CELF6: variants seen among roughly 807,000 people sequenced by gnomAD.
The protein encoded by CELF6 is Bruno -like 6, RNA binding protein.
Under a neutral mutation model 53.1 loss-of-function variants are expected in CELF6, and 32 were observed. The observed-to-expected ratio is 0.60, with a 90% CI of 0.46 to 0.81. The LOEUF (loss-of-function observed/expected upper bound fraction) is 0.81, where lower values mean the gene tolerates loss of function less well. CELF6 is among the 30% of genes least tolerant of loss of function. CELF6 has a pLI of 0.00. For synonymous variants in CELF6, 291 were observed against 288.8 expected (o/e 1.01, Z -0.08); for missense variants, 539 against 669.5 (o/e 0.81, Z 2.15).
At chr15:72,287,745 C>T (rs888392817) in intron 11 of CELF6, among the ~76,000 whole-genome samples, 1 of 152,220 alleles carries the variant, frequency 6.6e-6, no homozygotes, top group Admixed American at 6.5e-5. Context: ...CCAGACTCCT[C>T]CTGCCCTGGC....
chr15:72,307,234 C>T (rs1367713268), intron 2 of CELF6, among the ~76,000 whole-genome samples: 1 of 152,074 alleles, frequency 6.6e-6, no homozygotes, highest in African/African-American at 2.4e-5. Flanking sequence ...TGGGGGACGC[C>T]ACCTTCTCTC....
At chr15:72,315,298 A>C (rs1037460639) in intron 2 of CELF6, among the ~76,000 whole-genome samples, 1 of 152,198 alleles carries the variant, frequency 6.6e-6, no homozygotes, top group Non-Finnish European at 1.5e-5. Context: ...CCAAGACCAG[A>C]CCAGGTACCA....
At chr15:72,299,233 T>C (rs1352788120) in intron 3 of CELF6, among the ~76,000 whole-genome samples, 1 of 151,758 alleles carries the variant, frequency 6.6e-6, no homozygotes, top group Non-Finnish European at 1.5e-5. Flanking sequence ...GAGACTCCAT[T>C]TCAAAAACAA....
intron 3 of CELF6, among the ~76,000 whole-genome samples, chr15:72,301,904 T>C (rs996221207): frequency 1.3e-5 from 2 of 152,048 alleles, no homozygotes; most frequent in African/African-American, 4.8e-5. Flanking sequence ...ACCTGGCTAA[T>C]TATTGTATTT....
chr15:72,309,016 G>A (rs1056503996), intron 2 of CELF6, among the ~76,000 whole-genome samples: 18 of 152,058 alleles, frequency 1.2e-4, no homozygotes, highest in South Asian at 8.3e-4. Context: ...TGGGCTAAGC[G>A]ATTATTCTAC....
chr15:72,294,069 C>A (rs969137224), intron 3 of CELF6, among the ~76,000 whole-genome samples: 1 of 152,154 alleles, frequency 6.6e-6, no homozygotes, highest in Non-Finnish European at 1.5e-5. Flanking sequence ...CCTTGTGCAG[C>A]TGGTCATATA....
intron 2 of CELF6, among the ~76,000 whole-genome samples, chr15:72,315,107 T>C (rs1208503704): frequency 6.6e-6 from 1 of 152,242 alleles, no homozygotes; most frequent in African/African-American, 2.4e-5. Context: ...AAGTTTGGCC[T>C]GTGAATGGCA....
chr15:72,288,576 G>C lies in CELF6; in HGVS notation c.1136C>G (p.Pro379Arg), dbSNP rs754254022. ...SAYAPVSTAF[P>R]QQPSALPQQQ... Reference sequence around the variant, plus strand: ...CTGGGGCAGGGCTGAAGGCTGCTGGGGAAAAGCTGTGCTCACTGGGGCATA... The same window carrying C: ...CTGGGGCAGGGCTGAAGGCTGCTGGCGAAAAGCTGTGCTCACTGGGGCATA... The change falls in exon 10 of 13, where the codon CCC becomes CGC. Residue 379 changes from proline (P) to arginine (R), a missense_variant. By Grantham distance (103) the Pro-to-Arg change is moderately radical (BLOSUM62 -2). Coordinates refer to ENST00000287202, the MANE Select transcript of CELF6 (RefSeq NM_052840.5). This position sits in a 1 kb window ranked among gnomAD's most constrained non-coding sequence, Gnocchi z 4.6. 6 of 1,586,532 alleles carry C rather than the reference G, an allele frequency of 3.8e-6. No individual in the cohort carries two copies. The South Asian group carries it at 7.0e-5, about 18-fold the overall frequency.
chr15:72,318,136 G>A (rs986846488), intron 1 of CELF6, among the ~76,000 whole-genome samples: 1 of 152,158 alleles, frequency 6.6e-6, no homozygotes, highest in Admixed American at 6.5e-5. Context: ...CAGAGGGATG[G>A]ACAGACAGGC....
rs553072198 is a variant in CELF6 at position 72,293,530 on chromosome 15, A to G, written c.395-3275T>C. Among the ~76,000 whole-genome samples the G allele has an allele frequency of 2.6e-5, 4 of 152,348 alleles. No homozygotes were observed. The East Asian group carries it at 7.7e-4, about 29-fold the overall frequency. The stretch of plus-strand genomic sequence containing the variant: ...ATGAGTGGTGGGTAGTATCCTAGAA[A>G]GATGGGAATATCAAACATGGACGCT... On this transcript the variant is annotated intron_variant, in intron 3 of 12. Transcript: ENST00000287202.
chr15:72,295,763 A>G (rs1398610849), intron 3 of CELF6, among the ~76,000 whole-genome samples: 1 of 151,938 alleles, frequency 6.6e-6, no homozygotes, highest in Non-Finnish European at 1.5e-5. Context: ...ACACAAATAA[A>G]TGAAAAGACA....
chr15:72,300,852 A>AG (rs746595381), intron 3 of CELF6, among the ~76,000 whole-genome samples: 97 of 151,496 alleles, frequency 6.4e-4, no homozygotes, highest in African/African-American at 1.0e-3. Flanking sequence ...AAAAAAAAAA[A>AG]CTCATGTGTG....
At chr15:72,316,513 T>C (rs1314666994) in intron 1 of CELF6, among the ~76,000 whole-genome samples, 1 of 152,022 alleles carries the variant, frequency 6.6e-6, no homozygotes, top group African/African-American at 2.4e-5. Context: ...TAGGTGGGAG[T>C]TTCCAGGGAC....
In CELF6 at chr15:72,288,245, G is replaced by T. The variant is rs1017873146; in HGVS notation, c.1318+63C>A. 50 of 1,533,578 alleles carry T rather than the reference G, an allele frequency of 3.3e-5. No individual in the cohort carries two copies. In the African/African-American group the frequency reaches 5.0e-4, roughly 15 times the overall value. The allele number at this position is 1,533,578 out of a possible 1,614,324, so 95.0% of individuals were successfully genotyped here. Reference sequence around the variant, plus strand: ...CTGCATTATGGAAGGGCAATCGTAGGGTCTGTAGGAAATCCTTTATAGTCA... The same window carrying T: ...CTGCATTATGGAAGGGCAATCGTAGTGTCTGTAGGAAATCCTTTATAGTCA... On this transcript the variant is annotated intron_variant, in intron 11 of 12. Transcript: ENST00000287202. The surrounding 1 kb of genome is among the most constrained non-coding windows in gnomAD (Gnocchi z 4.6).
chr15:72,307,074 A>G (rs1193185076), intron 2 of CELF6, among the ~76,000 whole-genome samples: 1 of 152,036 alleles, frequency 6.6e-6, no homozygotes, highest in East Asian at 1.9e-4. Context: ...GGTGGGGGGC[A>G]GTGAGGGTGA....
In CELF6 at chr15:72,304,764, C is replaced by T. The variant is rs2088205055; in HGVS notation, c.376G>A (p.Ala126Thr). Residue 126 changes from alanine to threonine, a missense_variant, in exon 3 of 13, where the codon GCC becomes ACC. Coordinates refer to ENST00000287202, the MANE Select transcript of CELF6 (RefSeq NM_052840.5). ...MNRPIQVKPA[A>T]SEGRGEDRKL... ...AAGTTACCTCCTCGGCCCTCACTGG[C>T]AGCTGGCTTCACTTGGATCGGACGA... 1 of 1,614,084 alleles carries T rather than the reference C, an allele frequency of 6.2e-7. No homozygotes were observed. Among genetic ancestry groups the T allele is most frequent in the African/African-American group, 1.3e-5 (1 of 74,922 alleles).
chr15:72,296,438 G>T (rs2088078650), intron 3 of CELF6, among the ~76,000 whole-genome samples: 1 of 152,058 alleles, frequency 6.6e-6, no homozygotes, highest in Non-Finnish European at 1.5e-5. Context: ...TAAAAAACTA[G>T]AAAACTTCTG....
At chr15:72,312,930 G>C (rs952407897) in intron 2 of CELF6, among the ~76,000 whole-genome samples, 16 of 152,332 alleles carry the variant, frequency 1.1e-4, no homozygotes, top group African/African-American at 3.4e-4. Flanking sequence ...GCATTGCTGG[G>C]GCTGGCCAAC....
At chr15:72,304,835 C>T (rs1223138130) in intron 2 of CELF6, 41 bp from the exon 3 acceptor site, 2 of 1,603,964 alleles carry the variant, frequency 1.2e-6, no homozygotes, top group South Asian at 1.1e-5. Flanking sequence ...AGCGTGACTG[C>T]CTGGTCCTGG....
Sources: gnomAD v4.1 joint callset for allele counts (sites outside exome capture counted in the v4.1 genomes callset) on GRCh38, gnomAD v4.1.1 for gene constraint, Gnocchi (gnomAD v3.1) non-coding constraint, MANE v1.5 for transcripts, NCBI Gene and HGNC (gene_info 2026-07-23, HGNC 2026-07-21) for gene names.